NRG4: variants seen among roughly 807,000 people sequenced by gnomAD.
NRG4 encodes neuregulin 4, also known as pro-neuregulin-4, membrane-bound isoform.
In NRG4, 10 loss-of-function variants were observed where a neutral mutation model predicts 15.0. The ratio of observed to expected loss-of-function variants is 0.67; its 90% CI spans 0.41 to 1.13. The LOEUF (loss-of-function observed/expected upper bound fraction) is 1.13. NRG4 is among the 50% of genes most tolerant of loss of function. The probability of loss-of-function intolerance (pLI) is 0.00; values close to 1 mark genes in which losing one functional copy is unlikely to be tolerated. For synonymous variants in NRG4, 41 were observed against 50.1 expected (o/e 0.82, Z 0.77); for missense variants, 139 against 140.2 (o/e 0.99, Z 0.04).
In NRG4 at chr15:75,982,671, C is replaced by A. The variant is rs2033650483; in HGVS notation, c.105-20697G>T. On this transcript the variant is annotated intron_variant, in intron 3 of 5. Coordinates refer to ENST00000394907, the MANE Select transcript of NRG4 (RefSeq NM_138573.4). ...AAATTCCTGCTTCTGCAGCTTTTAGCCTGGGGCTAAGCCACCTAGTGAGTA... is the reference window on the plus strand; with the variant it reads ...AAATTCCTGCTTCTGCAGCTTTTAGACTGGGGCTAAGCCACCTAGTGAGTA... Among the ~76,000 whole-genome samples the A allele has an allele frequency of 2.0e-5, 3 of 152,290 alleles. No homozygotes were observed. In the South Asian group the frequency reaches 6.2e-4, roughly 32 times the overall value.
chr15:75,972,089 T>C (rs1302294867), intron 3 of NRG4, among the ~76,000 whole-genome samples: 5 of 152,244 alleles, frequency 3.3e-5, no homozygotes, highest in African/African-American at 1.2e-4. Flanking sequence ...TATCTCATTG[T>C]GGTTTTGATT....
At chr15:75,954,431 CTTTTT>C (rs35801035) in intron 5 of NRG4, among the ~76,000 whole-genome samples, 2 of 131,568 alleles carry the variant, frequency 1.5e-5, no homozygotes, top group Non-Finnish European at 1.6e-5. Flanking sequence ...ATTTCAATTT[CTTTTT>C]TTTTTTTTTT....
rs1466879831 is a variant in NRG4 at position 75,942,521 on chromosome 15, T to G, written c.*1117A>C. 1 of 152,206 alleles carries G rather than the reference T, an allele frequency of 6.6e-6. No homozygotes were observed. The highest frequency in any genetic ancestry group is 1.5e-5 in the Non-Finnish European group (1 of 68,040). The allele number at this position is 152,206 out of a possible 1,614,324, so 9.4% of individuals were successfully genotyped here. ...AAGTCTATTAAAATTATGTGAGAGC[T>G]TTTCATTTTGTGTACTCTGTCTCAA... On this transcript the variant is annotated 3_prime_UTR_variant, in exon 6 of 6. Transcript: ENST00000394907.
chr15:75,935,448 A>G (rs2030249306), downstream of NRG4: 1 of 152,122 alleles, frequency 6.6e-6, no homozygotes, highest in Admixed American at 6.5e-5. Context: ...TATTTCATCT[A>G]CATACTTTCA....
chr15:76,057,996 T>C lies in NRG4; in HGVS notation c.-327-977A>G, dbSNP rs909414178. On this transcript the variant is annotated intron_variant, in intron 1 of 8. Coordinates refer to the NRG4 transcript ENST00000563910. Reference sequence around the variant, plus strand: ...TGGTCTTCAAATTTCTCTCAGCAAGTTTCAAAATACTTGTCGTACTCTGAG... The same window carrying C: ...TGGTCTTCAAATTTCTCTCAGCAAGCTTCAAAATACTTGTCGTACTCTGAG... Among the ~76,000 whole-genome samples the C allele has an allele frequency of 7.2e-5, 11 of 152,182 alleles. No individual in the cohort carries two copies. In the East Asian group the frequency reaches 2.1e-3, roughly 29 times the overall value.
chr15:75,948,593 C>T (rs867668577), intron 5 of NRG4, among the ~76,000 whole-genome samples: 97 of 1,568 alleles, frequency 0.062, 1 homozygote, highest in Middle Eastern at 0.5. Context: ...GTCACTGCGC[C>T]GCCCGGCCCT....
chr15:76,018,984 C>T (rs8029449), intron 5 of NRG4, among the ~76,000 whole-genome samples: 5,611 of 152,092 alleles, frequency 0.037, 179 homozygotes, highest in African/African-American at 0.085. Flanking sequence ...TATCCATAAC[C>T]CCCTGACTGG....
chr15:76,002,088 CAAG>C (rs1296046753), intron 3 of NRG4, among the ~76,000 whole-genome samples: 1 of 152,040 alleles, frequency 6.6e-6, no homozygotes, highest in Non-Finnish European at 1.5e-5. Context: ...AAGCAGAAAA[CAAG>C]AAGAGAATAA....
intron 5 of NRG4, among the ~76,000 whole-genome samples, chr15:76,018,528 G>A (rs2035056040): frequency 6.6e-6 from 1 of 152,126 alleles, no homozygotes; most frequent in African/African-American, 2.4e-5. Flanking sequence ...CATCCTTTTT[G>A]TTGATGTTGA....
At chr15:76,049,466 AC>A (rs2035947939) in intron 4 of NRG4, among the ~76,000 whole-genome samples, 1 of 150,164 alleles carries the variant, frequency 6.7e-6, no homozygotes, top group Non-Finnish European at 1.5e-5. Context: ...CATTCACTCT[AC>A]ACCCAATTCT....
At chr15:76,043,899 T>A (rs2035803916) in intron 4 of NRG4, among the ~76,000 whole-genome samples, 1 of 152,216 alleles carries the variant, frequency 6.6e-6, no homozygotes, top group Non-Finnish European at 1.5e-5. Context: ...ACTACAGACC[T>A]ACTGTAACCA....
At chr15:75,955,223 T>C (rs1242284644) in intron 5 of NRG4, among the ~76,000 whole-genome samples, 2 of 152,138 alleles carry the variant, frequency 1.3e-5, no homozygotes, top group African/African-American at 2.4e-5. Context: ...CTCAGTACAA[T>C]ATAGTCACCT....
chr15:76,044,918 C>G (rs2035834899), intron 4 of NRG4, among the ~76,000 whole-genome samples: 1 of 149,260 alleles, frequency 6.7e-6, no homozygotes, highest in Non-Finnish European at 1.5e-5. Flanking sequence ...CAAATGGGAT[C>G]CTATCAAGTT....
chr15:76,056,066 T>C (rs1263198564), intron 2 of NRG4, among the ~76,000 whole-genome samples: 1 of 152,224 alleles, frequency 6.6e-6, no homozygotes, highest in African/African-American at 2.4e-5. Flanking sequence ...CATGGTATTG[T>C]ATCCACACAG....
intron 5 of NRG4, among the ~76,000 whole-genome samples, chr15:76,029,202 A>G (rs1256289157): frequency 6.6e-6 from 1 of 152,214 alleles, no homozygotes; most frequent in Admixed American, 6.5e-5. Flanking sequence ...GAAAAACCAT[A>G]CGATCATGTC....
At chr15:76,048,471 CA>C (rs35429006) in intron 4 of NRG4, among the ~76,000 whole-genome samples, 3,500 of 74,038 alleles carry the variant, frequency 0.047, 151 homozygotes, top group African/African-American at 0.16. Flanking sequence ...GACTCTGACT[CA>C]AAAAAAAAAA....
chr15:75,979,445 A>G (rs2033513751), intron 3 of NRG4, among the ~76,000 whole-genome samples: 1 of 152,194 alleles, frequency 6.6e-6, no homozygotes, highest in Non-Finnish European at 1.5e-5. Context: ...TGGGTTTTGA[A>G]GAGAAACACA....
At chr15:76,027,746 C>A (rs1244432556) in intron 5 of NRG4, among the ~76,000 whole-genome samples, 1 of 152,028 alleles carries the variant, frequency 6.6e-6, no homozygotes, top group Admixed American at 6.6e-5. Context: ...TTCATCAGCA[C>A]ATGGAACATT....
chr15:75,955,974 C>A lies in NRG4; in HGVS notation c.289G>T (p.Asp97Tyr). The change falls in exon 5 of 6, where the codon GAT (aspartate) becomes TAT (tyrosine). Residue 97 changes from aspartate (D) to tyrosine (Y), a missense_variant. By Grantham distance (160) the Asp-to-Tyr change is radical. Transcript: ENST00000394907. ...CTGCTCGTCTCTACCAGGTTGATAT[C>A]ATACTGGACTGAACTGGCTCTCTGA... ...HFQRASSVQY[D>Y]INLVETSSTS... The A allele has an allele frequency of 6.2e-7, 1 of 1,612,168 alleles. No individual in the cohort carries two copies. The highest frequency in any genetic ancestry group is 8.5e-7 in the Non-Finnish European group (1 of 1,178,292).
Sources: gnomAD v4.1 joint callset for allele counts (sites outside exome capture counted in the v4.1 genomes callset) on GRCh38, gnomAD v4.1.1 for gene constraint, MANE v1.5 for transcripts, NCBI Gene and HGNC (gene_info 2026-07-23, HGNC 2026-07-21) for gene names.